The following CPLANE1 variants were observed in gnomAD, a reference collection of about 807,000 sequenced individuals.
The protein encoded by CPLANE1 is ciliogenesis and planar polarity effector complex subunit 1, also known as ciliogenesis and planar polarity effector 1.
CPLANE1 carries 263 observed loss-of-function variants against 362.5 expected under a neutral mutation model. The observed-to-expected ratio is 0.73, with a 90% confidence interval of 0.66 to 0.80. The LOEUF is 0.80. Ranked by LOEUF, CPLANE1 falls within the 30% of genes least tolerant of loss-of-function variation. The pLI is 0.00. For synonymous variants in CPLANE1, 1,212 were observed against 1,302.6 expected, an observed-to-expected ratio of 0.93 and a Z score of 1.50; for missense variants, 3,461 against 3,793.4, an observed-to-expected ratio of 0.91 and a Z score of 2.30.
rs376561736 is a variant in CPLANE1 at position 37,222,224 on chromosome 5, G to A, written c.2582-736C>T. Among the ~76,000 whole-genome samples, 8 of 152,288 alleles carry A rather than the reference G, an allele frequency of 5.3e-5. No individual in the cohort carries two copies. The East Asian group carries it at 1.4e-3, about 26-fold the overall frequency. Reference sequence around the variant, plus strand: ...TGTGGCCATGTAAAAATGTGACTATGTTCTGATTCAAGAGATAACATTGTA... The same window carrying A: ...TGTGGCCATGTAAAAATGTGACTATATTCTGATTCAAGAGATAACATTGTA... On this transcript the variant is annotated intron_variant, in intron 14 of 52. Transcript: ENST00000651892.
intron 38 of CPLANE1, among the ~76,000 whole-genome samples, chr5:37,162,242 T>A (rs1304307789): frequency 1.3e-5 from 2 of 152,202 alleles, no homozygotes; most frequent in Admixed American, 6.5e-5. Flanking sequence ...TGACTTAGGA[T>A]GTAGTCTATG....
At chr5:37,129,658 C>T (rs141472068) in intron 46 of CPLANE1, among the ~76,000 whole-genome samples, 6,954 of 152,210 alleles carry the variant, frequency 0.046, 544 homozygotes, top group African/African-American at 0.16. Flanking sequence ...CTCAACATCG[C>T]TAATGATCAG....
At chr5:37,227,446 A>G in intron 10 of CPLANE1, 54 bp from the exon 11 acceptor site, 2 of 1,489,220 alleles carry the variant, frequency 1.3e-6, no homozygotes, top group South Asian at 1.3e-5. Context: ...CTGTAATTCT[A>G]TTATAAGCAA....
At chr5:37,097,035 A>G in the CPLANE1 span, among the ~76,000 whole-genome samples, 6 of 152,124 alleles carry the variant, frequency 3.9e-5, no homozygotes, top group African/African-American at 1.4e-4. Flanking sequence ...TCATTATATA[A>G]CGATAAAGGG....
rs1779124690 is a variant in CPLANE1 at position 37,169,385 on chromosome 5, G to A, written c.6639C>T (p.Ile2213=). The A allele has an allele frequency of 9.3e-6, 15 of 1,614,180 alleles. No individual in the cohort carries two copies. Among genetic ancestry groups the A allele is most frequent in the Non-Finnish European group, 1.3e-5 (15 of 1,180,024 alleles). ...CAGGACTAAATGTTTTTGCATGTGG[G>A]ATAAGTCTAGGTGCCTTCTGAACAA... ...PSVVQKAPRL[I]PHAKTFSPGD... Residue 2213 remains isoleucine, a synonymous_variant, in exon 34 of 53, where the codon ATC becomes ATT. Transcript: ENST00000651892.
chr5:37,225,299 T>C (rs535996407), intron 12 of CPLANE1, among the ~76,000 whole-genome samples: 31 of 151,754 alleles, frequency 2.0e-4, no homozygotes, highest in African/African-American at 6.8e-4. Context: ...CTGTCGCCCA[T>C]GCTGGAATGC....
chr5:37,221,706 C>T (rs1795390557), intron 14 of CPLANE1, among the ~76,000 whole-genome samples: 1 of 152,076 alleles, frequency 6.6e-6, no homozygotes, highest in South Asian at 2.1e-4. Context: ...AATTATTTTA[C>T]TCAGAAAGAA....
intron 42 of CPLANE1, among the ~76,000 whole-genome samples, chr5:37,149,319 A>C (rs1377744125): frequency 1.3e-5 from 2 of 152,202 alleles, no homozygotes; most frequent in Non-Finnish European, 1.5e-5. Flanking sequence ...CAGTATTTGC[A>C]TACAACCTAT....
At chr5:37,119,610 C>T (rs1182763150) in intron 50 of CPLANE1, among the ~76,000 whole-genome samples, 1 of 151,804 alleles carries the variant, frequency 6.6e-6, no homozygotes, top group Non-Finnish European at 1.5e-5. Flanking sequence ...GCAGAGGTTG[C>T]GGTGAGCCAA....
At position 37,227,022 on chromosome 5, in the gene CPLANE1, A is replaced by G. The variant is rs1371369898; in HGVS notation, c.1573T>C (p.Cys525Arg). The G allele has an allele frequency of 5.2e-6, 8 of 1,548,684 alleles. No individual in the cohort carries two copies. The highest frequency in any genetic ancestry group is 4.4e-6 in the Non-Finnish European group (5 of 1,146,284). ...TCATCTCTTTTGTTCCAAAAAGGAC[A>G]TAAGTTGTCTGGAAAGTGTCTGCCT... The part of the protein sequence containing the change: ...NEGRHFPDNL[C>R]PFWNKRDDVL... Residue 525 changes from cysteine (C) to arginine (R), a missense_variant, in exon 12 of 53, where the codon TGT becomes CGT. Physicochemically the swap from Cys to Arg is radical, Grantham distance 180. Coordinates refer to ENST00000651892, the MANE Select transcript of CPLANE1 (RefSeq NM_001384732.1).
At chr5:37,124,741 G>T in intron 47 of CPLANE1, 1 of 258,860 alleles carries the variant, frequency 3.9e-6, no homozygotes, top group Non-Finnish European at 6.0e-6. Flanking sequence ...CTTTTGTAGA[G>T]ATGAGATCTC....
At position 37,244,343 on chromosome 5, in the gene CPLANE1, C is replaced by T. The variant is rs10072236; in HGVS notation, c.570+32G>A. The T allele has an allele frequency of 0.013, 18,702 of 1,416,246 alleles. 1,204 individuals carry two copies. The African/African-American group carries it at 0.18, about 14-fold the overall frequency. The allele number at this position is 1,416,246 out of a possible 1,614,324, so 87.7% of individuals were successfully genotyped here. A position where few individuals can be genotyped will look rare whatever the true frequency, so the allele number is the denominator to read the frequency against. ...TACCATTACACACTCTGCTAATCTG[C>T]TTCACAGATAAGAGTCTGAGACTGA... On this transcript the variant is annotated intron_variant, in intron 5 of 52. Coordinates refer to ENST00000651892, the MANE Select transcript of CPLANE1 (RefSeq NM_001384732.1).
intron 43 of CPLANE1, 81 bp from the exon 44 acceptor site, chr5:37,142,561 C>G (rs1580116859): frequency 1.5e-5 from 13 of 878,448 alleles, no homozygotes; most frequent in Non-Finnish European, 2.2e-5. Flanking sequence ...GCCACTATTT[C>G]CAACTGGCAA....
chr5:37,083,938 A>G, the CPLANE1 span, among the ~76,000 whole-genome samples: 1 of 152,246 alleles, frequency 6.6e-6, no homozygotes, highest in Non-Finnish European at 1.5e-5. Context: ...AACACCTGGG[A>G]AATTCATCGC....
intron 37 of CPLANE1, among the ~76,000 whole-genome samples, chr5:37,163,490 T>A (rs1031653647): frequency 6.6e-6 from 1 of 152,198 alleles, no homozygotes; most frequent in Non-Finnish European, 1.5e-5. Flanking sequence ...ATCCAAAGTC[T>A]ACTGTGAGAG....
In CPLANE1 at chr5:37,209,675, G is replaced by A; in HGVS notation, c.2921-3250C>T. 1 of 1,322,258 alleles carries A rather than the reference G, an allele frequency of 7.6e-7. No individual in the cohort carries two copies. Among genetic ancestry groups the A allele is most frequent in the Non-Finnish European group, 1.1e-6 (1 of 916,664 alleles). The allele number at this position is 1,322,258 out of a possible 1,614,324, so 81.9% of individuals were successfully genotyped here. A position where few individuals can be genotyped will look rare whatever the true frequency, so the allele number is the denominator to read the frequency against. On this transcript the variant is annotated intron_variant, in intron 16 of 52. Transcript: ENST00000651892. The surrounding 1 kb of genome is among the most constrained non-coding windows in gnomAD (Gnocchi z 4.6). ...TAGAAAGTGGTTTGGCAAAAGAAAA[G>A]GTATTTACTATGCAGGATCTATTAC... is the stretch of plus-strand genomic sequence containing the variant.
At chr5:37,108,084 T>C (rs1758051783) in intron 52 of CPLANE1, among the ~76,000 whole-genome samples, 1 of 152,154 alleles carries the variant, frequency 6.6e-6, no homozygotes, top group South Asian at 2.1e-4. Flanking sequence ...AGTTAAAAAA[T>C]ACAGTCACAG....
chr5:37,156,193 A>G (rs1775056621), intron 41 of CPLANE1, among the ~76,000 whole-genome samples: 2 of 152,230 alleles, frequency 1.3e-5, no homozygotes, highest in Admixed American at 6.5e-5. Context: ...GACTAGGTCC[A>G]TACCTCACAA....
Position 37,125,386 on chromosome 5 carries a change from T to C in CPLANE1, c.8816A>G (p.His2939Arg). The change falls in exon 47 of 53, where the codon CAT (histidine) becomes CGT (arginine). Residue 2939 changes from histidine (H) to arginine (R), a missense_variant. Coordinates refer to ENST00000651892, the MANE Select transcript of CPLANE1 (RefSeq NM_001384732.1). ...TCTTTCCTTGTCAGTTCTTTGTGAA[T>C]GTCTGCCAGAATAATGCTGAATTCT... ...TSRIQHYSGR[H>R]SQRTDKERRE... 6.2e-7 allele frequency: 1 copy of C among 1,613,226 alleles called. No individual in the cohort carries two copies. Among genetic ancestry groups the C allele is most frequent in the Non-Finnish European group, 8.5e-7 (1 of 1,179,896 alleles).
Sources: gnomAD v4.1 joint callset for allele counts (sites outside exome capture counted in the v4.1 genomes callset) on GRCh38, gnomAD v4.1.1 for gene constraint, Gnocchi (gnomAD v3.1) non-coding constraint, MANE v1.5 for transcripts, NCBI Gene and HGNC (gene_info 2026-07-23, HGNC 2026-07-21) for gene names.